Variants in COL5A2 observed in about 807,000 individuals in gnomAD.
COL5A2 encodes collagen alpha-2(V) chain.
Under a neutral mutation model 208.2 loss-of-function variants are expected in COL5A2, and 23 were observed. The observed-to-expected ratio is 0.11, with a 90% CI of 0.08 to 0.16. COL5A2 has a LOEUF of 0.16. Among genes scored for constraint, COL5A2 ranks in the 10% least tolerant of loss-of-function variants. The pLI, the probability that COL5A2 is intolerant of heterozygous loss-of-function variation, is 1.00. For synonymous variants in COL5A2, 625 were observed against 628.5 expected, an observed-to-expected ratio of 0.99 and a Z score of 0.08; for missense variants, 1,590 against 1,956.4, an observed-to-expected ratio of 0.81 and a Z score of 3.53.
chr2:189,052,822 A>T lies in COL5A2; in HGVS notation c.2662-20T>A. On this transcript the variant is annotated intron_variant, in intron 39 of 53. Transcript: ENST00000374866. ...AGGACCCTGAATAGAAACAAACAAAAGAGCACTATAGTGAAGCAAAAGAGG... is the reference window on the plus strand; with the variant it reads ...AGGACCCTGAATAGAAACAAACAAATGAGCACTATAGTGAAGCAAAAGAGG... 6.2e-7 allele frequency: 1 copy of T among 1,614,028 alleles called. No homozygotes were observed. The highest frequency in any genetic ancestry group is 8.5e-7 in the Non-Finnish European group (1 of 1,179,882).
At chr2:189,311,509 C>A in the COL5A2 span, 186,239 of 1,104,958 alleles carry the variant, frequency 0.17, 16,952 homozygotes, top group South Asian at 0.21. Flanking sequence ...TCTGTGCCAG[C>A]TCTGACTCCA....
At chr2:189,114,929 T>C (rs1180467496) in intron 1 of COL5A2, among the ~76,000 whole-genome samples, 1 of 152,044 alleles carries the variant, frequency 6.6e-6, no homozygotes, top group African/African-American at 2.4e-5. Flanking sequence ...ACGCCAAAAC[T>C]ATAATTTTGC....
the COL5A2 span, among the ~76,000 whole-genome samples, chr2:189,405,555 T>C: frequency 3.3e-5 from 5 of 152,316 alleles, no homozygotes; most frequent in Admixed American, 2.6e-4. Flanking sequence ...TTAACAAGTT[T>C]AGTGTCACAG....
the COL5A2 span, among the ~76,000 whole-genome samples, chr2:189,284,677 C>G: frequency 6.6e-6 from 1 of 152,046 alleles, no homozygotes; most frequent in African/African-American, 2.4e-5. Flanking sequence ...CAAGTATTGA[C>G]TAATTGACTA....
At chr2:189,240,731 T>G in the COL5A2 span, among the ~76,000 whole-genome samples, 6 of 152,264 alleles carry the variant, frequency 3.9e-5, no homozygotes, top group South Asian at 1.2e-3. Context: ...TTAAGACAGT[T>G]CTGCAGGTCT....
chr2:189,320,553 A>C, the COL5A2 span, among the ~76,000 whole-genome samples: 1 of 152,378 alleles, frequency 6.6e-6, no homozygotes, highest in South Asian at 2.1e-4. Context: ...ATCAACTGGA[A>C]GAAAGAGTAT....
intron 44 of COL5A2, among the ~76,000 whole-genome samples, chr2:189,049,033 T>C (rs1248867455): frequency 1.6e-5 from 1 of 62,128 alleles, no homozygotes; most frequent in Non-Finnish European, 4.1e-5. Context: ...CATTACAAAA[T>C]GAAATAATAA....
chr2:189,414,747 C>CT, the COL5A2 span, among the ~76,000 whole-genome samples: 1 of 96,546 alleles, frequency 1.0e-5, no homozygotes, highest in Non-Finnish European at 1.9e-5. Context: ...GAGTAAGACT[C>CT]TGTCTCAAAA....
intron 1 of COL5A2, among the ~76,000 whole-genome samples, chr2:189,128,974 T>C (rs985833324): frequency 1.3e-5 from 2 of 151,918 alleles, no homozygotes; most frequent in African/African-American, 4.8e-5. Flanking sequence ...CTTTAATCAA[T>C]TAGGACTCTG....
At chr2:189,369,105 T>A in the COL5A2 span, among the ~76,000 whole-genome samples, 1 of 152,124 alleles carries the variant, frequency 6.6e-6, no homozygotes, top group Non-Finnish European at 1.5e-5. Context: ...TGGCTTCAAA[T>A]AAAATAAAAC....
chr2:189,301,790 GTATC>G, the COL5A2 span, among the ~76,000 whole-genome samples: 1 of 152,062 alleles, frequency 6.6e-6, no homozygotes, highest in African/African-American at 2.4e-5. Context: ...TCATATTGTT[GTATC>G]TTTCTTTTGT....
At chr2:189,153,397 C>T (rs968901604) in intron 1 of COL5A2, among the ~76,000 whole-genome samples, 5 of 152,192 alleles carry the variant, frequency 3.3e-5, no homozygotes. Flanking sequence ...TTACATGATT[C>T]AGTCAAGACC....
Position 189,045,220 on chromosome 2 carries a change from G to C in COL5A2, c.3322C>G (p.Pro1108Ala). ...CCAGCTCGACCAGGTGGTCCTATAG[G>C]ACCCCGAGAACCCTAAAAGAAATTT... ...GQRGDPGSRG[P>A]IGPPGRAGKR... The change falls in exon 47 of 54, where the codon CCT becomes GCT. Residue 1108 changes from proline (P) to alanine (A), a missense_variant. Pro to Ala is a conservative substitution (Grantham distance 27). Coordinates refer to ENST00000374866, the MANE Select transcript of COL5A2 (RefSeq NM_000393.5). 6.2e-7 allele frequency: 1 copy of C among 1,607,208 alleles called. No individual in the cohort carries two copies. Among genetic ancestry groups the C allele is most frequent in the East Asian group, 2.2e-5 (1 of 44,686 alleles).
At chr2:189,312,936 A>G in the COL5A2 span, among the ~76,000 whole-genome samples, 10 of 152,272 alleles carry the variant, frequency 6.6e-5, no homozygotes, top group African/African-American at 2.4e-4. Context: ...GCATACAAAG[A>G]TGAGAAAGAT....
intron 33 of COL5A2, 99 bp downstream of exon 33, chr2:189,058,330 T>C: frequency 1.0e-6 from 1 of 964,050 alleles, no homozygotes; most frequent in Non-Finnish European, 1.7e-6. Context: ...AATCAAATTA[T>C]CTTTCAAAAA....
chr2:189,311,706 T>C, the COL5A2 span: 1 of 753,804 alleles, frequency 1.3e-6, no homozygotes, highest in Non-Finnish European at 2.4e-6. Flanking sequence ...GACTGCATGG[T>C]GACCACTGTG....
In COL5A2 at chr2:189,051,430, G is replaced by A. The variant is rs1298136001; in HGVS notation, c.2821C>T (p.Pro941Ser). ...PLGEPGKEGP[P>S]GLRGDPGSHG... is the part of the protein sequence containing the mutation. ...GAGCCAGGGTCCCCACGAAGACCTGGAGGTCCCTCCTTCCCGGGTTCCCCT... is the reference window on the plus strand; with the variant it reads ...GAGCCAGGGTCCCCACGAAGACCTGAAGGTCCCTCCTTCCCGGGTTCCCCT... Residue 941 changes from proline (P) to serine (S), a missense_variant, in exon 42 of 54, where the codon CCA becomes TCA. By Grantham distance (74) the Pro-to-Ser change is moderately conservative. Transcript: ENST00000374866. The A allele has an allele frequency of 6.2e-7, 1 of 1,613,570 alleles. No homozygotes were observed. The highest frequency in any genetic ancestry group is 2.2e-5 in the East Asian group (1 of 44,844).
At chr2:189,271,114 T>A in the COL5A2 span, among the ~76,000 whole-genome samples, 1 of 152,124 alleles carries the variant, frequency 6.6e-6, no homozygotes, top group Admixed American at 6.6e-5. Context: ...GCTATCCCCA[T>A]CAAGCTACCA....
upstream of COL5A2, among the ~76,000 whole-genome samples, chr2:189,227,629 C>T (rs1689436992): frequency 6.6e-6 from 1 of 151,892 alleles, no homozygotes; most frequent in African/African-American, 2.4e-5. Context: ...AAGAATATTA[C>T]ATAATGATAA....
Sources: gnomAD v4.1 joint callset for allele counts (sites outside exome capture counted in the v4.1 genomes callset) on GRCh38, gnomAD v4.1.1 for gene constraint, MANE v1.5 for transcripts, NCBI Gene and HGNC (gene_info 2026-07-23, HGNC 2026-07-21) for gene names.